GSE1: variants seen among roughly 807,000 people sequenced by gnomAD.
GSE1 encodes the protein genetic suppressor element 1.
In GSE1, 32 loss-of-function variants were observed where a neutral mutation model predicts 112.6. The observed-to-expected ratio is 0.28, with a 90% CI of 0.21 to 0.38. GSE1 has a LOEUF of 0.38. Ranked by LOEUF, GSE1 falls within the 10% of genes least tolerant of loss-of-function variation. GSE1 has a pLI of 1.00. For missense variants in GSE1, 2,348 were observed against 1,699.2 expected, an observed-to-expected ratio of 1.38 and a Z score of -6.71; for synonymous variants, 1,115 against 735.6, an observed-to-expected ratio of 1.52 and a Z score of -8.35.
At chr16:85,600,919 A>G (rs1385210678) in intron 1 of GSE1, among the ~76,000 whole-genome samples, 1 of 152,118 alleles carries the variant, frequency 6.6e-6, no homozygotes, top group African/African-American at 2.4e-5. Flanking sequence ...CTCCTCTCCA[A>G]CGGCTCAGCT....
Position 85,671,016 on chromosome 16 carries a change from T to C in GSE1, c.3437T>C (p.Val1146Ala), listed in dbSNP as rs201259669. 1.9e-6 allele frequency: 3 copies of C among 1,609,152 alleles called. No individual in the cohort carries two copies. The African/African-American group carries it at 4.0e-5, about 22-fold the overall frequency. The change falls in exon 15 of 16, where the codon GTG (valine) becomes GCG (alanine). Residue 1146 changes from valine to alanine, a missense_variant. Transcript: ENST00000253458. ...TCAGAGCAAAATCTGGAGCGGCAGG[T>C]GTTACAGACACAATGTAGACGACTG... ...HIEEQNLERQ[V>A]LQTQCRRLEA...
chr16:85,643,300 C>T (rs529945061), intron 2 of GSE1, among the ~76,000 whole-genome samples: 6 of 152,224 alleles, frequency 3.9e-5, no homozygotes, highest in East Asian at 3.9e-4. Flanking sequence ...TCCAGCCACG[C>T]GGTGAGAATG....
chr16:85,654,176 A>G, intron 3 of GSE1, 102 bp from the exon 4 acceptor site: 1 of 1,073,848 alleles, frequency 9.3e-7, no homozygotes, highest in Non-Finnish European at 1.3e-6. Flanking sequence ...TAGAACATGA[A>G]CTAAATCTAG....
At chr16:85,517,863 C>T (rs1021137317) in intron 2 of GSE1, among the ~76,000 whole-genome samples, 2 of 152,268 alleles carry the variant, frequency 1.3e-5, no homozygotes, top group African/African-American at 4.8e-5. Flanking sequence ...ACAAGCGGAG[C>T]CGCGTGGTCG....
intron 1 of GSE1, among the ~76,000 whole-genome samples, chr16:85,341,210 A>T (rs1215408821): frequency 2.7e-5 from 4 of 146,488 alleles, no homozygotes; most frequent in East Asian, 2.0e-4. Context: ...TTTTTTTTTT[A>T]AATAAACAGG....
At chr16:85,478,421 G>A (rs746244062) in intron 2 of GSE1, among the ~76,000 whole-genome samples, 15 of 151,864 alleles carry the variant, frequency 9.9e-5, no homozygotes, top group African/African-American at 2.4e-4. Flanking sequence ...CAGCTACTCG[G>A]GAGGCTGAAG....
chr16:85,440,098 A>G (rs114800485), intron 2 of GSE1, among the ~76,000 whole-genome samples: 2,193 of 152,336 alleles, frequency 0.014, 52 homozygotes, highest in African/African-American at 0.05. Flanking sequence ...TGTTCTCCAC[A>G]GTGTCTCCAG....
At chr16:85,330,828 C>T (rs181997929) in intron 1 of GSE1, among the ~76,000 whole-genome samples, 28 of 152,340 alleles carry the variant, frequency 1.8e-4, no homozygotes, top group African/African-American at 5.5e-4. Flanking sequence ...CTGTCTTTCT[C>T]TATCTCCCTC....
chr16:85,201,835 G>A (rs1403950004), intron 1 of GSE1, among the ~76,000 whole-genome samples: 1 of 152,184 alleles, frequency 6.6e-6, no homozygotes, highest in Non-Finnish European at 1.5e-5. Context: ...ATGGCCAAAT[G>A]ATTTGCCACA....
intron 1 of GSE1, among the ~76,000 whole-genome samples, chr16:85,356,795 A>G (rs539482829): frequency 6.6e-6 from 1 of 152,148 alleles, no homozygotes; most frequent in Non-Finnish European, 1.5e-5. Flanking sequence ...CCTGGCCTGT[A>G]TCCATTTTGT....
At chr16:85,531,078 G>A (rs1028528967) in intron 2 of GSE1, among the ~76,000 whole-genome samples, 27 of 152,246 alleles carry the variant, frequency 1.8e-4, no homozygotes, top group African/African-American at 6.0e-4. Context: ...TTTGCCTCTG[G>A]CTTCGTTCGG....
intron 15 of GSE1, 26 bp downstream of exon 15, chr16:85,671,124 T>TC: frequency 7.8e-7 from 1 of 1,289,118 alleles, no homozygotes; most frequent in Non-Finnish European, 1.1e-6. Context: ...ATGGAAACCT[T>TC]CAAACACGCA....
chr16:85,624,751 G>A (rs897918743), intron 1 of GSE1, among the ~76,000 whole-genome samples: 5 of 152,280 alleles, frequency 3.3e-5, no homozygotes, highest in Admixed American at 6.5e-5. Context: ...GGAGAGAGGC[G>A]CCTGGGCACC....
chr16:85,389,276 A>G (rs2047777075), intron 2 of GSE1, among the ~76,000 whole-genome samples: 1 of 152,146 alleles, frequency 6.6e-6, no homozygotes, highest in South Asian at 2.1e-4. Flanking sequence ...CCTGGCCAAC[A>G]TGGTGAAACC....
chr16:85,191,071 C>T (rs1306344872), intron 1 of GSE1, among the ~76,000 whole-genome samples: 1 of 152,188 alleles, frequency 6.6e-6, no homozygotes, highest in Non-Finnish European at 1.5e-5. Flanking sequence ...CCAGCCTGGC[C>T]AACATGGTGA....
rs2047346830 is a variant in GSE1 at position 85,373,556 on chromosome 16, T to C, written c.2464+15913T>C. Among the ~76,000 whole-genome samples, 1 of 151,932 alleles carries C rather than the reference T, an allele frequency of 6.6e-6. No individual in the cohort carries two copies. The highest frequency in any genetic ancestry group is 1.5e-5 in the Non-Finnish European group (1 of 67,958). ...CCTGGGAGAATGGGCTGGGGCACTGTGTATAGCAGGGATTCAGTGACCGCA... is the reference window on the plus strand; with the variant it reads ...CCTGGGAGAATGGGCTGGGGCACTGCGTATAGCAGGGATTCAGTGACCGCA... On this transcript the variant is annotated intron_variant, in intron 2 of 2. Transcript: ENST00000637419. This position sits in a 1 kb window ranked among gnomAD's most constrained non-coding sequence, Gnocchi z 5.1.
intron 1 of GSE1, among the ~76,000 whole-genome samples, chr16:85,186,737 C>G (rs1013492280): frequency 1.3e-5 from 2 of 152,154 alleles, no homozygotes; most frequent in Non-Finnish European, 2.9e-5. Flanking sequence ...TGCACTCCAG[C>G]CTGGGTGACA....
At chr16:85,576,555 T>C (rs1008083502) in intron 1 of GSE1, among the ~76,000 whole-genome samples, 3 of 152,220 alleles carry the variant, frequency 2.0e-5, no homozygotes, top group African/African-American at 4.8e-5. Flanking sequence ...AAGTCCCGAA[T>C]TGACTGTCTG....
chr16:85,458,263 G>A (rs915340059), intron 2 of GSE1, among the ~76,000 whole-genome samples: 1 of 152,248 alleles, frequency 6.6e-6, no homozygotes, highest in Admixed American at 6.5e-5. Context: ...AAGGCAGACA[G>A]TCCTGCCCTC....
Sources: allele counts gnomAD v4.1 joint callset (sites outside exome capture counted in the v4.1 genomes callset), GRCh38; gene constraint gnomAD v4.1.1; non-coding constraint Gnocchi (gnomAD v3.1); transcripts MANE v1.5; gene names NCBI Gene and HGNC (gene_info 2026-07-23, HGNC 2026-07-21).